Variants in TAS2R1 observed in about 807,000 individuals in gnomAD.
TAS2R1 encodes the protein taste receptor type 2 member 1.
For synonymous variants in TAS2R1, 141 were observed against 134.2 expected (o/e 1.05, Z -0.35); for missense variants, 370 against 353.4 (o/e 1.05, Z -0.38).
the TAS2R1 span, among the ~76,000 whole-genome samples, chr5:9,748,993 T>C: frequency 6.6e-6 from 1 of 152,156 alleles, no homozygotes; most frequent in African/African-American, 2.4e-5. Context: ...GCCTTCTAGC[T>C]CTCTATTATG....
the TAS2R1 span, among the ~76,000 whole-genome samples, chr5:9,824,705 G>T: frequency 1.3e-5 from 2 of 152,064 alleles, no homozygotes; most frequent in African/African-American, 2.4e-5. Flanking sequence ...AAATTAGCCA[G>T]GTGTGGTGGT....
chr5:9,769,175 C>T, the TAS2R1 span, among the ~76,000 whole-genome samples: 1 of 152,114 alleles, frequency 6.6e-6, no homozygotes, highest in Non-Finnish European at 1.5e-5. Context: ...ACTTATTTGT[C>T]TTTCTGTGCC....
chr5:9,667,774 A>G (rs1471343891), intron 1 of TAS2R1, among the ~76,000 whole-genome samples: 1 of 152,146 alleles, frequency 6.6e-6, no homozygotes, highest in Non-Finnish European at 1.5e-5. Flanking sequence ...AAAGAAACTC[A>G]CCCAAAGGAT....
the TAS2R1 span, among the ~76,000 whole-genome samples, chr5:9,726,407 G>C: frequency 6.6e-6 from 1 of 152,190 alleles, no homozygotes; most frequent in African/African-American, 2.4e-5. Context: ...GGCCAGATAA[G>C]AGAATAAAAG....
chr5:9,695,124 C>A (rs908492667), intron 1 of TAS2R1, among the ~76,000 whole-genome samples: 1 of 151,948 alleles, frequency 6.6e-6, no homozygotes, highest in Non-Finnish European at 1.5e-5. Context: ...TCTCACAGAG[C>A]AGATTAAAAC....
At chr5:9,852,781 C>T in the TAS2R1 span, among the ~76,000 whole-genome samples, 1 of 152,000 alleles carries the variant, frequency 6.6e-6, no homozygotes, top group South Asian at 2.1e-4. Context: ...ACAAATGAGA[C>T]TGATTTTCAG....
the TAS2R1 span, among the ~76,000 whole-genome samples, chr5:9,893,268 G>T: frequency 6.7e-6 from 1 of 148,382 alleles, no homozygotes; most frequent in Non-Finnish European, 1.5e-5. Context: ...GCAGTGGTGT[G>T]ATCTTGGCTC....
the TAS2R1 span, among the ~76,000 whole-genome samples, chr5:9,718,180 A>G: frequency 0.016 from 2,405 of 149,720 alleles, 54 homozygotes; most frequent in African/African-American, 0.056. Flanking sequence ...CGTGTTGGCC[A>G]GGATCGTCTT....
chr5:9,676,777 A>C (rs1224391190), intron 1 of TAS2R1, among the ~76,000 whole-genome samples: 1 of 152,200 alleles, frequency 6.6e-6, no homozygotes, highest in East Asian at 1.9e-4. Context: ...AAAATTTAAA[A>C]TATTGGCTTA....
the TAS2R1 span, among the ~76,000 whole-genome samples, chr5:9,822,276 A>AC: frequency 6.7e-6 from 1 of 149,932 alleles, no homozygotes; most frequent in Admixed American, 6.7e-5. Context: ...GACTTCCCTG[A>AC]CCCCCCATTT....
the TAS2R1 span, among the ~76,000 whole-genome samples, chr5:9,877,317 T>C: frequency 2.0e-5 from 3 of 152,170 alleles, no homozygotes; most frequent in African/African-American, 7.2e-5. Flanking sequence ...ATCTTTCTCC[T>C]TCTTCCTTTC....
At chr5:9,872,362 A>G in the TAS2R1 span, among the ~76,000 whole-genome samples, 1 of 152,240 alleles carries the variant, frequency 6.6e-6, no homozygotes, top group Non-Finnish European at 1.5e-5. Flanking sequence ...CAAAGAGAGA[A>G]TCATATCTGT....
At chr5:9,700,476 G>A (rs921934043) in intron 1 of TAS2R1, among the ~76,000 whole-genome samples, 1 of 151,992 alleles carries the variant, frequency 6.6e-6, no homozygotes, top group Non-Finnish European at 1.5e-5. Flanking sequence ...TTCCACCCAT[G>A]CACCCCATTT....
chr5:9,878,485 T>C, the TAS2R1 span, among the ~76,000 whole-genome samples: 1 of 152,186 alleles, frequency 6.6e-6, no homozygotes. Flanking sequence ...CTGACAGCAT[T>C]TGGAAGTGAA....
the TAS2R1 span, among the ~76,000 whole-genome samples, chr5:9,836,908 C>G: frequency 6.6e-5 from 10 of 152,130 alleles, no homozygotes; most frequent in African/African-American, 2.4e-4. Flanking sequence ...GACTAAGGAG[C>G]AGGAAATGTA....
At chr5:9,715,123 G>T (rs1734778950), upstream of TAS2R1, among the ~76,000 whole-genome samples, 1 of 152,228 alleles carries the variant, frequency 6.6e-6, no homozygotes, top group South Asian at 2.1e-4. Flanking sequence ...TTGGCACCTT[G>T]CTCCCCAGCA....
At chr5:9,716,835 G>A (rs992741478), upstream of TAS2R1, among the ~76,000 whole-genome samples, 1 of 152,006 alleles carries the variant, frequency 6.6e-6, no homozygotes, top group African/African-American at 2.4e-5. Context: ...TGGTCCTCAG[G>A]GTTTAGAAGA....
At chr5:9,711,058 GAATGTAA>G (rs1283057981) in intron 1 of TAS2R1, among the ~76,000 whole-genome samples, 9 of 151,130 alleles carry the variant, frequency 6.0e-5, no homozygotes, top group Non-Finnish European at 1.0e-4. Flanking sequence ...TTGTTGATGG[GAATGTAA>G]AATGTAAAAT....
intron 1 of TAS2R1, among the ~76,000 whole-genome samples, chr5:9,678,540 A>T (rs572345349): frequency 6.6e-6 from 1 of 152,330 alleles, no homozygotes; most frequent in South Asian, 2.1e-4. Context: ...CCAAATGCCC[A>T]TCAATGACAG....
Sources: gnomAD v4.1 joint callset for allele counts (sites outside exome capture counted in the v4.1 genomes callset) on GRCh38, gnomAD v4.1.1 for gene constraint, MANE v1.5 for transcripts, NCBI Gene and HGNC (gene_info 2026-07-23, HGNC 2026-07-21) for gene names.